The following ERCC6 variants were observed in gnomAD, a reference collection of about 807,000 sequenced individuals.
ERCC6 encodes the protein ERCC excision repair 6, chromatin remodeling factor, also known as DNA excision repair protein ERCC-6.
A neutral mutation model predicts 158.7 loss-of-function variants in ERCC6; 116 were observed. The observed-to-expected ratio is 0.73, with a 90% CI of 0.63 to 0.85. ERCC6 has a LOEUF of 0.85. ERCC6 is among the 40% of genes least tolerant of loss of function. The pLI, the probability that ERCC6 is intolerant of heterozygous loss-of-function variation, is 0.00. For missense variants in ERCC6, 1,698 were observed against 1,799.4 expected (o/e 0.94, Z 1.02); for synonymous variants, 678 against 659.3 (o/e 1.03, Z -0.43).
intron 5 of ERCC6, chr10:49,515,257 C>A: frequency 1.4e-6 from 2 of 1,455,036 alleles, no homozygotes; most frequent in African/African-American, 1.4e-5. Context: ...AAAATTGGAA[C>A]ACTAGGCAAA....
intron 6 of ERCC6, chr10:49,503,388 A>G (rs939789982): frequency 6.6e-6 from 1 of 152,124 alleles, no homozygotes; most frequent in African/African-American, 2.4e-5. Context: ...CAGCACTAAG[A>G]AAATGACATT....
chr10:49,444,639 T>G, the ERCC6 span, among the ~76,000 whole-genome samples: 20 of 152,248 alleles, frequency 1.3e-4, no homozygotes, highest in Non-Finnish European at 1.5e-4. Context: ...GAAAAGCAAT[T>G]GAGTGAGTAC....
rs1837675310 is a variant in ERCC6, at chr10:49,539,029, T to C, written c.-82A>G. 6.6e-6 allele frequency: 1 copy of C among 152,568 alleles called. No individual in the cohort carries two copies. Among genetic ancestry groups the C allele is most frequent in the Non-Finnish European group, 1.5e-5 (1 of 68,344 alleles). The allele number at this position is 152,568 out of a possible 1,614,324, so 9.5% of individuals were successfully genotyped here. On this transcript the variant is annotated 5_prime_UTR_variant, in exon 1 of 21. Transcript: ENST00000355832. ...GCCGCCAGCCGCCTTGGAACCCAGCTCGACGGGCCGTGGCGCCTGCGCCCT... is the reference window on the plus strand; with the variant it reads ...GCCGCCAGCCGCCTTGGAACCCAGCCCGACGGGCCGTGGCGCCTGCGCCCT...
intron 5 of ERCC6, chr10:49,516,153 T>G (rs892848726): frequency 1.2e-6 from 2 of 1,614,090 alleles, no homozygotes; most frequent in Admixed American, 3.3e-5. Flanking sequence ...TTCCTCATGT[T>G]TAGTATTTGG....
chr10:49,443,139 G>A, the ERCC6 span, among the ~76,000 whole-genome samples: 6 of 152,248 alleles, frequency 3.9e-5, no homozygotes, highest in South Asian at 1.2e-3. Context: ...GACATTGAAT[G>A]GGAAACTGAA....
At chr10:49,464,371 A>C (rs991997183) in intron 18 of ERCC6, among the ~76,000 whole-genome samples, 1 of 152,226 alleles carries the variant, frequency 6.6e-6, no homozygotes, top group Non-Finnish European at 1.5e-5. Context: ...GTGTTGTTAA[A>C]GGCATTCAGT....
At chr10:49,472,550 G>A in intron 15 of ERCC6, 80 bp from the exon 16 acceptor site, 2 of 1,346,276 alleles carry the variant, frequency 1.5e-6, no homozygotes, top group African/African-American at 2.9e-5. Context: ...AAGCTAGCTG[G>A]TCACTACCTG....
intron 2 of ERCC6, 90 bp from the exon 3 acceptor site, chr10:49,530,930 T>C: frequency 2.0e-6 from 3 of 1,529,144 alleles, no homozygotes; most frequent in Non-Finnish European, 2.6e-6. Context: ...CATGTCCCTT[T>C]TACTTCTTAT....
Position 49,454,678 on chromosome 10 carries a change from T to C in ERCC6, c.*4137A>G, listed in dbSNP as rs145353612. 1.7e-3 allele frequency among the ~76,000 whole-genome samples: 257 copies of C among 151,450 alleles called. No homozygotes were observed. The highest frequency in any genetic ancestry group is 6.0e-3 in the African/African-American group (243 of 40,734). On this transcript the variant is annotated 3_prime_UTR_variant, in exon 21 of 21. Coordinates refer to ENST00000355832, the MANE Select transcript of ERCC6 (RefSeq NM_000124.4). The stretch of plus-strand genomic sequence containing the variant: ...AGTGAAAATCTAAAAGATATTTCAA[T>C]GTTAGAAAATTTAACTGTGTACTTT...
At chr10:49,523,208 T>C (rs964391072) in intron 5 of ERCC6, among the ~76,000 whole-genome samples, 9 of 152,210 alleles carry the variant, frequency 5.9e-5, no homozygotes, top group Non-Finnish European at 4.4e-5. Context: ...TTTGACTTCC[T>C]TAGAGCTAAG....
At chr10:49,530,173 G>T (rs1837435632) in intron 3 of ERCC6, among the ~76,000 whole-genome samples, 1 of 152,116 alleles carries the variant, frequency 6.6e-6, no homozygotes, top group African/African-American at 2.4e-5. Context: ...CCAAAGAAAT[G>T]GTGATGCAGG....
chr10:49,465,533 G>A (rs1432162729), intron 18 of ERCC6, among the ~76,000 whole-genome samples: 1 of 152,132 alleles, frequency 6.6e-6, no homozygotes, highest in Non-Finnish European at 1.5e-5. Context: ...GCCAGAGGTG[G>A]AAAGATATGG....
Position 49,458,906 on chromosome 10 carries a change from C to G in ERCC6, c.4391G>C (p.Cys1464Ser), listed in dbSNP as rs759125039. The change falls in exon 21 of 21, where the codon TGT (cysteine) becomes TCT (serine). Residue 1464 changes from cysteine to serine, a missense_variant. Physicochemically the swap from Cys to Ser is moderately radical, Grantham distance 112 (BLOSUM62 -1). Transcript: ENST00000355832. ...FESKLSASQSCVFRELLRNLC... is the reference protein window; with the variant it reads ...FESKLSASQSSVFRELLRNLC... Reference sequence around the variant, plus strand: ...ATTTCTCAATAGTTCTCGGAAGACACAAGACTGTGATGCAGATAACTTGGA... The same window carrying G: ...ATTTCTCAATAGTTCTCGGAAGACAGAAGACTGTGATGCAGATAACTTGGA... 1.6e-5 allele frequency: 26 copies of G among 1,614,094 alleles called. No individual in the cohort carries two copies. The highest frequency in any genetic ancestry group is 2.2e-5 in the Non-Finnish European group (26 of 1,180,048).
chr10:49,518,024 G>A (rs1046559142), intron 5 of ERCC6, among the ~76,000 whole-genome samples: 4 of 152,204 alleles, frequency 2.6e-5, no homozygotes, highest in African/African-American at 4.8e-5. Flanking sequence ...CCTCCACATT[G>A]TGAGTTGGCC....
downstream of ERCC6, among the ~76,000 whole-genome samples, chr10:49,451,171 T>C (rs1850416361): frequency 7.8e-6 from 1 of 127,410 alleles, no homozygotes; most frequent in Admixed American, 1.0e-4. Context: ...CTTATTAGTT[T>C]CAATAGTTTT....
chr10:49,536,071 A>G (rs1367794580), intron 1 of ERCC6, among the ~76,000 whole-genome samples: 2 of 152,188 alleles, frequency 1.3e-5, no homozygotes, highest in African/African-American at 4.8e-5. Flanking sequence ...AGCTGAGATC[A>G]CACCGCAGAA....
chr10:49,515,157 A>C (rs1329711908), intron 5 of ERCC6: 109 of 1,309,760 alleles, frequency 8.3e-5, no homozygotes, highest in Non-Finnish European at 1.0e-4. Context: ...TTTTTGCATG[A>C]AATTCATATA....
rs116431130 is a variant in ERCC6, at chr10:49,473,541, T to A, written c.2645A>T (p.Tyr882Phe). 6.2e-7 allele frequency: 1 copy of A among 1,613,504 alleles called. No homozygotes were observed. Among genetic ancestry groups the A allele is most frequent in the Non-Finnish European group, 8.5e-7 (1 of 1,179,390 alleles). The part of the protein sequence containing the change: ...EVFLRAQKYT[Y>F]LKMDGTTTIA... ...TGTAGTGGTACCATCCATCTTGAGA[T>A]AGGTATACTTTTGGGCTCTAAGGAA... is the stretch of plus-strand genomic sequence containing the variant. The change falls in exon 14 of 21, where the codon TAT becomes TTT. Residue 882 changes from tyrosine (Y) to phenylalanine (F), a missense_variant. Coordinates refer to ENST00000355832, the MANE Select transcript of ERCC6 (RefSeq NM_000124.4).
chr10:49,478,724 C>T (rs1436418848), intron 10 of ERCC6, among the ~76,000 whole-genome samples: 1 of 152,072 alleles, frequency 6.6e-6, no homozygotes, highest in Non-Finnish European at 1.5e-5. Flanking sequence ...AAAAGAAAAA[C>T]TGATAATTTT....
Sources: allele counts gnomAD v4.1 joint callset (sites outside exome capture counted in the v4.1 genomes callset), GRCh38; gene constraint gnomAD v4.1.1; transcripts MANE v1.5; gene names NCBI Gene and HGNC (gene_info 2026-07-23, HGNC 2026-07-21).